The following PPFIA2 variants were observed in gnomAD, a reference collection of about 807,000 sequenced individuals.
The protein encoded by PPFIA2 is PPFI scaffold protein A2.
A neutral mutation model predicts 175.5 loss-of-function variants in PPFIA2; 46 were observed. The ratio of observed to expected loss-of-function variants is 0.26; its 90% CI spans 0.21 to 0.34. The LOEUF is 0.34. Ranked by LOEUF, PPFIA2 falls within the 10% of genes least tolerant of loss-of-function variation. The pLI, the probability that PPFIA2 is intolerant of heterozygous loss-of-function variation, is 1.00. For missense variants in PPFIA2, 1,179 were observed against 1,506.1 expected (o/e 0.78, Z 3.60); for synonymous variants, 568 against 511.4 (o/e 1.11, Z -1.49).
chr12:81,468,435 A>G (rs886465376), intron 4 of PPFIA2, among the ~76,000 whole-genome samples: 3 of 152,196 alleles, frequency 2.0e-5, no homozygotes, highest in Non-Finnish European at 2.9e-5. Flanking sequence ...TTTTGGCAGG[A>G]AAAGCCAATT....
At chr12:81,486,926 TC>T (rs1174387802) in intron 4 of PPFIA2, among the ~76,000 whole-genome samples, 1 of 151,922 alleles carries the variant, frequency 6.6e-6, no homozygotes, top group Non-Finnish European at 1.5e-5. Context: ...ATCAACTCCA[TC>T]CCCTTCTTAT....
chr12:81,695,803 T>C (rs1235983656), intron 3 of PPFIA2, among the ~76,000 whole-genome samples: 1 of 152,184 alleles, frequency 6.6e-6, no homozygotes, highest in East Asian at 1.9e-4. Flanking sequence ...GTTTTTGGCT[T>C]CTTCTGAATG....
In PPFIA2 at chr12:81,353,098, A is replaced by G. The variant is rs373834719; in HGVS notation, c.1994+21T>C. 384 of 1,599,908 alleles carry G rather than the reference A, an allele frequency of 2.4e-4. 1 individual carries two copies. Among genetic ancestry groups the G allele is most frequent in the Admixed American group, 3.5e-4 (21 of 59,882 alleles). On this transcript the variant is annotated intron_variant, in intron 17 of 32. Coordinates refer to ENST00000549396, the MANE Select transcript of PPFIA2 (RefSeq NM_003625.5). ...CAAGGTCTTCTAATTTCTTGAAATC[A>G]TCAGTACTAATTGAAGTTACCTGAT...
intron 8 of PPFIA2, among the ~76,000 whole-genome samples, chr12:81,384,586 T>A (rs1458267383): frequency 6.6e-6 from 1 of 151,920 alleles, no homozygotes; most frequent in African/African-American, 2.4e-5. Context: ...TATTATTAAT[T>A]TACAATGCTA....
rs115987623 is a variant in PPFIA2 at position 81,649,944 on chromosome 12, T to C, written c.303+26847A>G. 1.6e-3 allele frequency among the ~76,000 whole-genome samples: 250 copies of C among 152,286 alleles called. 1 individual carries two copies. Among genetic ancestry groups the C allele is most frequent in the African/African-American group, 5.8e-3 (243 of 41,560 alleles). The stretch of plus-strand genomic sequence containing the variant: ...TAGGGCCATGGGAATGTTCCATATA[T>C]TGATTGTCATGGTGATTAAAGAACT... On this transcript the variant is annotated intron_variant, in intron 4 of 32. Coordinates refer to ENST00000549396, the MANE Select transcript of PPFIA2 (RefSeq NM_003625.5).
chr12:81,305,208 A>G (rs140086932), intron 22 of PPFIA2, among the ~76,000 whole-genome samples: 25 of 152,296 alleles, frequency 1.6e-4, no homozygotes, highest in Non-Finnish European at 2.9e-5. Flanking sequence ...CTCAATTTAT[A>G]AGAACTAAAT....
chr12:81,701,435 T>C (rs1399720877), intron 3 of PPFIA2, among the ~76,000 whole-genome samples: 1 of 152,118 alleles, frequency 6.6e-6, no homozygotes, highest in Admixed American at 6.6e-5. Flanking sequence ...TCCATCCACA[T>C]AATTTTGATC....
In PPFIA2 at chr12:81,440,005, T is replaced by C. The variant is rs2049870513; in HGVS notation, c.612A>G (p.Ala204=). 1 of 1,602,920 alleles carries C rather than the reference T, an allele frequency of 6.2e-7. No homozygotes were observed. The highest frequency in any genetic ancestry group is 8.5e-7 in the Non-Finnish European group (1 of 1,176,028). Reference sequence around the variant, plus strand: ...TAGCAGCAGCTAGTTCTTCTTCCAGTGCAGAGACTCTTTCTAAAGAAACCC... The same window carrying C: ...TAGCAGCAGCTAGTTCTTCTTCCAGCGCAGAGACTCTTTCTAAAGAAACCC... The part of the protein sequence containing the change: ...RLRVSLERVS[A]LEEELAAANQ... Residue 204 remains alanine, a synonymous_variant, in exon 7 of 33, where the codon GCA becomes GCG. Transcript: ENST00000549396.
At chr12:81,275,403 C>T (rs1219439753) in intron 28 of PPFIA2, among the ~76,000 whole-genome samples, 1 of 152,134 alleles carries the variant, frequency 6.6e-6, no homozygotes, top group African/African-American at 2.4e-5. Context: ...GCATTCAAGC[C>T]CGTTCCATTA....
intron 22 of PPFIA2, among the ~76,000 whole-genome samples, chr12:81,316,192 C>T (rs917655212): frequency 6.6e-5 from 10 of 151,470 alleles, no homozygotes; most frequent in Admixed American, 3.3e-4. Context: ...AGAGACTATA[C>T]GTAATTACTG....
intron 3 of PPFIA2, among the ~76,000 whole-genome samples, chr12:81,678,690 A>G (rs2073043726): frequency 6.6e-6 from 1 of 151,858 alleles, no homozygotes; most frequent in South Asian, 2.1e-4. Flanking sequence ...TATTGTAGGG[A>G]CCTGCCAGAG....
rs200055101 is a variant in PPFIA2 at position 81,681,047 on chromosome 12, TGTAA to T, written c.250-4207_250-4204del. Among the ~76,000 whole-genome samples, 87 of 152,086 alleles carry T rather than the reference TGTAA, an allele frequency of 5.7e-4. 1 individual carries two copies. The highest frequency in any genetic ancestry group is 2.1e-3 in the African/African-American group (86 of 41,536). ...ATGGTAGCCTTCTTTATGCTGACTG[TGTAA>T]GTAACAAACATAAAACCATTTGGAT... On this transcript the variant is annotated intron_variant, in intron 3 of 32. Coordinates refer to ENST00000549396, the MANE Select transcript of PPFIA2 (RefSeq NM_003625.5).
chr12:81,277,286 A>G lies in PPFIA2; in HGVS notation c.3310+31T>C, dbSNP rs74502612. 3.9e-4 allele frequency: 593 copies of G among 1,509,912 alleles called. 1 individual carries two copies. The African/African-American group carries it at 7.7e-3, about 20-fold the overall frequency. The allele number at this position is 1,509,912 out of a possible 1,614,324, so 93.5% of individuals were successfully genotyped here. A position where few individuals can be genotyped will look rare whatever the true frequency, so the allele number is the denominator to read the frequency against. ...GTGAAAGCTAAAAACCCCAGAATAA[A>G]GGCATTTCATATGAAAGAAAGATAT... On this transcript the variant is annotated intron_variant, in intron 28 of 32. Transcript: ENST00000549396.
At chr12:81,641,136 T>G (rs1157039044) in intron 4 of PPFIA2, among the ~76,000 whole-genome samples, 4 of 152,184 alleles carry the variant, frequency 2.6e-5, no homozygotes, top group East Asian at 1.9e-4. Context: ...CTTCCAGCTA[T>G]TTTGAAATAT....
chr12:81,716,583 C>T (rs1238023284), intron 3 of PPFIA2, among the ~76,000 whole-genome samples: 1 of 151,228 alleles, frequency 6.6e-6, no homozygotes, highest in Non-Finnish European at 1.5e-5. Flanking sequence ...CACAAGCACA[C>T]ACATAGGGCG....
chr12:81,613,630 T>C (rs2061151837), intron 4 of PPFIA2, among the ~76,000 whole-genome samples: 1 of 152,168 alleles, frequency 6.6e-6, no homozygotes, highest in South Asian at 2.1e-4. Flanking sequence ...ATTTGGATTT[T>C]TTAAATCTAC....
At chr12:81,548,172 C>G (rs550334437) in intron 4 of PPFIA2, among the ~76,000 whole-genome samples, 107 of 152,090 alleles carry the variant, frequency 7.0e-4, no homozygotes, top group Non-Finnish European at 1.3e-3. Context: ...GAGATAGATC[C>G]CAAGATTCGT....
At chr12:81,636,170 T>C (rs1345066972) in intron 4 of PPFIA2, among the ~76,000 whole-genome samples, 2 of 152,150 alleles carry the variant, frequency 1.3e-5, no homozygotes, top group Non-Finnish European at 2.9e-5. Context: ...TCCTATCTCA[T>C]ACCTCTGTTC....
intron 4 of PPFIA2, among the ~76,000 whole-genome samples, chr12:81,498,224 A>C (rs1336412271): frequency 3.9e-5 from 6 of 152,230 alleles, no homozygotes; most frequent in Non-Finnish European, 8.8e-5. Flanking sequence ...TGCATCACAC[A>C]TAATCATGGT....
Sources: allele counts gnomAD v4.1 joint callset (sites outside exome capture counted in the v4.1 genomes callset), GRCh38; gene constraint gnomAD v4.1.1; transcripts MANE v1.5; gene names NCBI Gene and HGNC (gene_info 2026-07-23, HGNC 2026-07-21).